Variants in AHCYL2 observed in about 807,000 individuals in gnomAD.
AHCYL2 encodes the protein S-adenosylhomocysteine hydrolase-like protein 2.
In AHCYL2, 28 loss-of-function variants were observed where a neutral mutation model predicts 81.4. The observed-to-expected ratio is 0.34, with a 90% CI of 0.25 to 0.47. The LOEUF (loss-of-function observed/expected upper bound fraction) is 0.47. Ranked by LOEUF, AHCYL2 falls within the 20% of genes least tolerant of loss-of-function variation. The pLI is 1.00. For missense variants in AHCYL2, 551 were observed against 785.1 expected (o/e 0.70, Z 3.56); for synonymous variants, 272 against 290.2 (o/e 0.94, Z 0.64).
rs1165833974 is a variant in AHCYL2 at position 129,428,594 on chromosome 7, G to C, written c.*1549G>C. 2.0e-5 allele frequency: 3 copies of C among 152,184 alleles called. No individual in the cohort carries two copies. The highest frequency in any genetic ancestry group is 7.2e-5 in the African/African-American group (3 of 41,410). 9.4% of individuals were successfully genotyped at this position (152,184 alleles called of 1,614,324 possible). ...GTCTGCCTCAAAGTCTCAAGACCAA[G>C]GTGACTCAAGATAACACCAGACCAC... On this transcript the variant is annotated 3_prime_UTR_variant, in exon 17 of 17. Transcript: ENST00000325006.
chr7:129,291,417 G>A (rs1796856551), intron 1 of AHCYL2, among the ~76,000 whole-genome samples: 1 of 151,764 alleles, frequency 6.6e-6, no homozygotes. Context: ...CTTACTGAGG[G>A]CATACAACTA....
intron 7 of AHCYL2, among the ~76,000 whole-genome samples, chr7:129,404,291 CTG>C (rs1176325603): frequency 6.6e-6 from 1 of 151,880 alleles, no homozygotes; most frequent in African/African-American, 2.4e-5. Flanking sequence ...TAATAATTCT[CTG>C]AGTAAAATTG....
chr7:129,307,276 T>G (rs191395489), intron 1 of AHCYL2, among the ~76,000 whole-genome samples: 2 of 152,294 alleles, frequency 1.3e-5, no homozygotes, highest in East Asian at 3.9e-4. Context: ...AGAAATCTAC[T>G]TGGTGCCCTA....
At chr7:129,346,233 GA>G (rs1238564708) in intron 1 of AHCYL2, among the ~76,000 whole-genome samples, 1 of 152,152 alleles carries the variant, frequency 6.6e-6, no homozygotes, top group Non-Finnish European at 1.5e-5. Context: ...ATGATGGTAA[GA>G]GCAGAGTTAA....
chr7:129,324,716 C>T (rs190349843), intron 1 of AHCYL2, among the ~76,000 whole-genome samples: 38 of 152,196 alleles, frequency 2.5e-4, no homozygotes, highest in African/African-American at 7.2e-4. Context: ...GGGGTTTCAC[C>T]GTGTTAGCCA....
At chr7:129,325,820 C>T (rs1798202905) in intron 1 of AHCYL2, among the ~76,000 whole-genome samples, 1 of 152,030 alleles carries the variant, frequency 6.6e-6, no homozygotes, top group South Asian at 2.1e-4. Context: ...ATTCTCCCGC[C>T]TCAGCCTCCC....
intron 1 of AHCYL2, among the ~76,000 whole-genome samples, chr7:129,320,774 A>C (rs1797986632): frequency 6.6e-6 from 1 of 152,156 alleles, no homozygotes; most frequent in African/African-American, 2.4e-5. Flanking sequence ...CCTACCCATT[A>C]GTGGTGGTAT....
At chr7:129,400,544 G>A (rs925695885) in intron 6 of AHCYL2, among the ~76,000 whole-genome samples, 160 bp downstream of exon 6, 2 of 152,122 alleles carry the variant, frequency 1.3e-5, no homozygotes, top group African/African-American at 2.4e-5. Flanking sequence ...CTTATGCTAC[G>A]GGTACCCCAA....
intron 7 of AHCYL2, 131 bp downstream of exon 7, chr7:129,403,616 C>T (rs1180769977): frequency 4.9e-6 from 2 of 412,046 alleles, no homozygotes; most frequent in East Asian, 5.4e-5. Flanking sequence ...GTAATCCCAG[C>T]ACTTTGGGAG....
intron 1 of AHCYL2, among the ~76,000 whole-genome samples, chr7:129,373,469 A>G (rs1207892065): frequency 6.6e-6 from 1 of 151,968 alleles, no homozygotes; most frequent in Non-Finnish European, 1.5e-5. Context: ...GCGTGGTGGC[A>G]TGCGCCTGTA....
chr7:129,310,300 A>G (rs906371648), intron 1 of AHCYL2, among the ~76,000 whole-genome samples: 1 of 152,170 alleles, frequency 6.6e-6, no homozygotes, highest in African/African-American at 2.4e-5. Context: ...TAGAGCATTT[A>G]TGGTCACCTT....
chr7:129,296,614 G>A (rs541480339), intron 1 of AHCYL2, among the ~76,000 whole-genome samples: 9 of 152,154 alleles, frequency 5.9e-5, no homozygotes, highest in Non-Finnish European at 1.3e-4. Context: ...GGAGGCTGAC[G>A]TAGGAGGATC....
chr7:129,373,493 G>A (rs374887020), intron 1 of AHCYL2, among the ~76,000 whole-genome samples: 7 of 151,926 alleles, frequency 4.6e-5, no homozygotes, highest in South Asian at 2.1e-4. Flanking sequence ...CCAGCTACTC[G>A]GGAGACTGAG....
intron 1 of AHCYL2, among the ~76,000 whole-genome samples, chr7:129,269,163 C>T (rs1230162113): frequency 6.9e-6 from 1 of 145,908 alleles, no homozygotes; most frequent in Admixed American, 7.0e-5. Flanking sequence ...CTCTGTTGCC[C>T]AGTCTGAAGT....
At chr7:129,251,255 T>C (rs938194888) in intron 1 of AHCYL2, among the ~76,000 whole-genome samples, 1 of 151,900 alleles carries the variant, frequency 6.6e-6, no homozygotes, top group Admixed American at 6.6e-5. Context: ...TTGTAAACTC[T>C]ACAGGACTTA....
chr7:129,370,456 G>T lies in AHCYL2; in HGVS notation c.364-9182G>T, dbSNP rs560935611. 3.3e-5 allele frequency among the ~76,000 whole-genome samples: 5 copies of T among 152,168 alleles called. No individual in the cohort carries two copies. In the East Asian group the frequency reaches 7.7e-4, roughly 23 times the overall value. On this transcript the variant is annotated intron_variant, in intron 1 of 16. Transcript: ENST00000325006. ...TCACGCCTGTAATCCCAGCACTTTG[G>T]GGGAGGCCAGGGCGGGCAGATCACG...
intron 1 of AHCYL2, among the ~76,000 whole-genome samples, chr7:129,313,861 A>G (rs545953918): frequency 1.1e-4 from 16 of 152,332 alleles, no homozygotes; most frequent in African/African-American, 3.6e-4. Context: ...CTTTCTTTTT[A>G]CTATTATGTG....
intron 1 of AHCYL2, among the ~76,000 whole-genome samples, chr7:129,354,347 T>C (rs1372340352): frequency 1.3e-5 from 2 of 152,202 alleles, no homozygotes; most frequent in Non-Finnish European, 2.9e-5. Context: ...TTAATGATTT[T>C]AGTTTTTTCT....
chr7:129,414,647 C>T (rs1239767091), intron 12 of AHCYL2, among the ~76,000 whole-genome samples: 1 of 152,030 alleles, frequency 6.6e-6, no homozygotes, highest in Admixed American at 6.6e-5. Context: ...TCTCAAACTC[C>T]TGACCTTGTG....
Sources: gnomAD v4.1 joint callset for allele counts (sites outside exome capture counted in the v4.1 genomes callset) on GRCh38, gnomAD v4.1.1 for gene constraint, MANE v1.5 for transcripts, NCBI Gene and HGNC (gene_info 2026-07-23, HGNC 2026-07-21) for gene names.